The following BMP1 variants were observed in gnomAD, a reference collection of about 807,000 sequenced individuals.
BMP1 encodes the protein mammalian tolloid protein.
In BMP1, 63 loss-of-function variants were observed where a neutral mutation model predicts 116.8. The observed-to-expected ratio is 0.54, with a 90% CI of 0.44 to 0.67. The LOEUF is 0.67. Among genes scored for constraint, BMP1 ranks in the 30% least tolerant of loss-of-function variants. BMP1 has a pLI of 0.00. For synonymous variants in BMP1, 536 were observed against 533.4 expected (o/e 1.00, Z -0.07); for missense variants, 1,183 against 1,358.9 (o/e 0.87, Z 2.04).
At position 22,194,684 on chromosome 8, in the gene BMP1, C is replaced by T. The variant is rs1829028926; in HGVS notation, c.1444-40C>T. 6.3e-7 allele frequency: 1 copy of T among 1,590,312 alleles called. No individual in the cohort carries two copies. The highest frequency in any genetic ancestry group is 1.1e-5 in the South Asian group (1 of 87,640). On this transcript the variant is annotated intron_variant, in intron 11 of 19. Transcript: ENST00000306385. This position sits in a 1 kb window ranked among gnomAD's most constrained non-coding sequence, Gnocchi z 4.5. ...TGGGCTCCCAGGGGTGGGTCTCTGG[C>T]AGCCAGAGCCCCTTCCACTGATGAA...
At position 22,201,391 on chromosome 8, in the gene BMP1, G is replaced by A. The variant is rs11784926; in HGVS notation, c.2108-412G>A. 0.041 allele frequency: 60,085 copies of A among 1,451,410 alleles called. 1,620 individuals are homozygous for A. Among genetic ancestry groups the A allele is most frequent in the Admixed American group, 0.086 (3,163 of 36,928 alleles). 89.9% of individuals were successfully genotyped at this position (1,451,410 alleles called of 1,614,324 possible). ...GTCCGCGGACCGGGGACCCTTCCCCGTGCCCTACCCCCTCCCATTTTGATG... is the reference window on the plus strand; with the variant it reads ...GTCCGCGGACCGGGGACCCTTCCCCATGCCCTACCCCCTCCCATTTTGATG... On this transcript the variant is annotated intron_variant, in intron 15 of 19. Coordinates refer to ENST00000306385, the MANE Select transcript of BMP1 (RefSeq NM_006129.5).
rs73670375 is a variant in BMP1, at chr8:22,191,948, G to T, written c.1078-101G>T. ...GAGCCCCTTAACTCTCGCCCAGGGG[G>T]ACCTGCCTCGCGTAAGGCGGGCGGT... On this transcript the variant is annotated intron_variant, in intron 8 of 19. Transcript: ENST00000306385. 3.6e-3 allele frequency: 3,801 copies of T among 1,059,804 alleles called. 92 individuals are homozygous for T. In the African/African-American group the frequency reaches 0.053, roughly 15 times the overall value. 65.7% of individuals were successfully genotyped at this position (1,059,804 alleles called of 1,614,324 possible). A position where few individuals can be genotyped will look rare whatever the true frequency, so the allele number is the denominator to read the frequency against.
chr8:22,206,921 T>A lies in BMP1; in HGVS notation c.2301T>A (p.Tyr767Ter). ...CCAGCCCCAACTGGCCTGACAAGTATCCCAGCAAGAAGGAGTGCACGTGGG... is the reference window on the plus strand; with the variant it reads ...CCAGCCCCAACTGGCCTGACAAGTAACCCAGCAAGAAGGAGTGCACGTGGG... ...TITSPNWPDK[Y>*]PSKKECTWAI... Residue 767 changes from tyrosine to a stop codon, truncating the protein, a stop_gained, in exon 17 of 20, where the codon TAT becomes TAA. Coordinates refer to ENST00000306385, the MANE Select transcript of BMP1 (RefSeq NM_006129.5). LOFTEE classifies it high-confidence loss of function. 2 of 1,614,158 alleles carry A rather than the reference T, an allele frequency of 1.2e-6. No homozygotes were observed. The highest frequency in any genetic ancestry group is 1.7e-6 in the Non-Finnish European group (2 of 1,180,018).
rs752781420 is a variant in BMP1 at position 22,165,470 on chromosome 8, C to T, written c.65C>T (p.Pro22Leu). 1 of 1,584,070 alleles carries T rather than the reference C, an allele frequency of 6.3e-7. No individual in the cohort carries two copies. Among genetic ancestry groups the T allele is most frequent in the Middle Eastern group, 1.7e-4 (1 of 5,972 alleles). ...GLLLLPRPGR[P>L]LDLADYTYDL... ...CTGCTGCTCCCGCGTCCCGGCCGGC[C>T]GCTGGACTTGGCCGACTACACCTAT... The change falls in exon 1 of 20, where the codon CCG becomes CTG. Residue 22 changes from proline (P) to leucine (L), a missense_variant. Pro to Leu is a moderately conservative substitution (Grantham distance 98, BLOSUM62 -3). This residue lies in a region of BMP1 where 185 missense variants were observed against 158.9 expected (regional missense o/e 1.16). Transcript: ENST00000306385.
rs112216623 is a variant in BMP1, at chr8:22,183,924, A to C, written c.1077+3441A>C. ...ATGTCCAACATTATCGTACAGCAACACTATGGGCCAGATGCTAACATTATC... is the reference window on the plus strand; with the variant it reads ...ATGTCCAACATTATCGTACAGCAACCCTATGGGCCAGATGCTAACATTATC... On this transcript the variant is annotated intron_variant, in intron 8 of 19. Transcript: ENST00000306385. 1.8e-3 allele frequency among the ~76,000 whole-genome samples: 267 copies of C among 152,310 alleles called. 1 individual carries two copies. Among genetic ancestry groups the C allele is most frequent in the Middle Eastern group, 0.01 (3 of 294 alleles).
At chr8:22,206,790 C>A in intron 16 of BMP1, 64 bp from the exon 17 acceptor site, 1 of 1,602,186 alleles carries the variant, frequency 6.2e-7, no homozygotes. Context: ...AAGGGCCTTC[C>A]CCACAGGAGG....
chr8:22,176,724 GC>G, intron 4 of BMP1, 74 bp downstream of exon 4: 2 of 1,495,290 alleles, frequency 1.3e-6, no homozygotes, highest in Non-Finnish European at 9.3e-7. Flanking sequence ...CCCTGCCACT[GC>G]CCCCAGCTGG....
At chr8:22,199,199 G>T in intron 15 of BMP1, 1 of 1,367,604 alleles carries the variant, frequency 7.3e-7, no homozygotes, top group South Asian at 1.1e-5. Flanking sequence ...ACCTGCAGAG[G>T]ACCCCCACTG....
chr8:22,206,761 A>G (rs1829364328), intron 16 of BMP1, 93 bp from the exon 17 acceptor site: 8 of 1,543,280 alleles, frequency 5.2e-6, no homozygotes, highest in Non-Finnish European at 7.1e-6. Context: ...GATGGAAGAA[A>G]GGAGGGGGGG....
chr8:22,192,088 C>T lies in BMP1; in HGVS notation c.1117C>T (p.Arg373Cys). 3 of 1,614,030 alleles carry T rather than the reference C, an allele frequency of 1.9e-6. No homozygotes were observed. In the South Asian group the frequency reaches 3.3e-5, roughly 18 times the overall value. ...NFTSLDLYRS[R>C]LCWYDYVEVR... ...CACGTCCCTGGACCTGTACCGCAGC[C>T]GCCTGTGCTGGTACGACTATGTGGA... The change falls in exon 9 of 20, where the codon CGC (arginine) becomes TGC (cysteine). Residue 373 changes from arginine to cysteine, a missense_variant. Arg to Cys is a radical substitution (Grantham distance 180). This residue lies in a region of BMP1 where 956 missense variants were observed against 1,135.2 expected (regional missense o/e 0.84). Transcript: ENST00000306385.
rs750145349 is a variant in BMP1, at chr8:22,211,745, G to A, written c.*17G>A. 4.3e-6 allele frequency: 7 copies of A among 1,613,974 alleles called. No homozygotes were observed. In the Admixed American group the frequency reaches 1.2e-4, roughly 27 times the overall value. Reference sequence around the variant, plus strand: ...AGGAAGTGACCACTGCCTGAGCAGGGGCGGGGACTGGAGCCTGCTGCCCTT... The same window carrying A: ...AGGAAGTGACCACTGCCTGAGCAGGAGCGGGGACTGGAGCCTGCTGCCCTT... On this transcript the variant is annotated 3_prime_UTR_variant, in exon 20 of 20. Transcript: ENST00000306385.
At chr8:22,207,863 T>A (rs1014108364) in intron 18 of BMP1, among the ~76,000 whole-genome samples, 5 of 150,856 alleles carry the variant, frequency 3.3e-5, no homozygotes, top group African/African-American at 1.2e-4. Flanking sequence ...CTCTGATATT[T>A]ATTTTTTTAT....
At chr8:22,165,878 C>CGTGGGTGTGTGTGTGTGT (rs1432185239) in intron 1 of BMP1, among the ~76,000 whole-genome samples, 13 of 67,708 alleles carry the variant, frequency 1.9e-4, no homozygotes, top group African/African-American at 5.8e-4. Context: ...AACTCCTGTG[C>CGTGGGTGTGTGTGTGTGT]GTGCGTGTGT....
intron 8 of BMP1, among the ~76,000 whole-genome samples, chr8:22,188,999 T>C (rs1326062381): frequency 2.0e-5 from 3 of 152,232 alleles, no homozygotes; most frequent in Non-Finnish European, 4.4e-5. Flanking sequence ...GCATCCCTTC[T>C]TCCACCCAGC....
chr8:22,209,088 T>C (rs770879256), intron 18 of BMP1, among the ~76,000 whole-genome samples: 3 of 152,210 alleles, frequency 2.0e-5, no homozygotes, highest in Non-Finnish European at 4.4e-5. Context: ...GCTTCTCTCT[T>C]GAAAATGGAA....
intron 16 of BMP1, among the ~76,000 whole-genome samples, chr8:22,203,231 CTG>C (rs1329351114): frequency 6.6e-6 from 1 of 152,210 alleles, no homozygotes; most frequent in South Asian, 2.1e-4. Context: ...CTCAACCTCT[CTG>C]TGTTTCAGTT....
In BMP1 at chr8:22,192,102, C is replaced by T. The variant is rs564392614; in HGVS notation, c.1131C>T (p.Tyr377=). 13 of 1,613,940 alleles carry T rather than the reference C, an allele frequency of 8.1e-6. No homozygotes were observed. Among genetic ancestry groups the T allele is most frequent in the East Asian group, 2.2e-5 (1 of 44,876 alleles). The part of the protein sequence containing the change: ...LDLYRSRLCW[Y]DYVEVRDGFW... Reference sequence around the variant, plus strand: ...TGTACCGCAGCCGCCTGTGCTGGTACGACTATGTGGAGGTCCGAGATGGCT... The same window carrying T: ...TGTACCGCAGCCGCCTGTGCTGGTATGACTATGTGGAGGTCCGAGATGGCT... Residue 377 remains tyrosine (Y), a synonymous_variant, in exon 9 of 20, where the codon TAC becomes TAT. Coordinates refer to ENST00000306385, the MANE Select transcript of BMP1 (RefSeq NM_006129.5).
At position 22,194,155 on chromosome 8, in the gene BMP1, CTTCTTTGCAGTCTACGAAGGTA is replaced by C; in HGVS notation, c.1279_1297+3del. On this transcript the variant is annotated splice_donor_variant and splice_donor_region_variant and coding_sequence_variant and intron_variant, in exon 10 of 20. Coordinates refer to ENST00000306385, the MANE Select transcript of BMP1 (RefSeq NM_006129.5). LOFTEE classifies it high-confidence loss of function. This position sits in a 1 kb window ranked among gnomAD's most constrained non-coding sequence, Gnocchi z 4.5. ...GCAGCAGCAATTGGGTTGGAAAGGGCTTCTTTGCAGTCTACGAAGGTACTGAGGAAGGCGGCGGGCGGGAGGA... is the reference window on the plus strand; with the variant it reads ...GCAGCAGCAATTGGGTTGGAAAGGGCCTGAGGAAGGCGGCGGGCGGGAGGA... The C allele has an allele frequency of 2.5e-6, 4 of 1,614,170 alleles. No homozygotes were observed. Among genetic ancestry groups the C allele is most frequent in the Non-Finnish European group, 3.4e-6 (4 of 1,180,004 alleles).
intron 19 of BMP1, among the ~76,000 whole-genome samples, chr8:22,209,961 C>T (rs1261727371): frequency 6.6e-6 from 1 of 152,276 alleles, no homozygotes; most frequent in Non-Finnish European, 1.5e-5. Context: ...TGCCTCAGAA[C>T]CAGTTGGCCA....
Sources: allele counts gnomAD v4.1 joint callset (sites outside exome capture counted in the v4.1 genomes callset), GRCh38; gene constraint gnomAD v4.1.1; regional missense constraint gnomAD v4.1.1; non-coding constraint Gnocchi (gnomAD v3.1); transcripts MANE v1.5; gene names NCBI Gene and HGNC (gene_info 2026-07-23, HGNC 2026-07-21).